The following DNAH5 variants were observed in gnomAD, a reference collection of about 807,000 sequenced individuals.
The protein encoded by DNAH5 is axonemal beta dynein heavy chain 5.
A neutral mutation model predicts 518.2 loss-of-function variants in DNAH5; 372 were observed. That is an observed-to-expected ratio of 0.72 (90% CI 0.66 to 0.78). The LOEUF is 0.78. DNAH5 is among the 30% of genes least tolerant of loss of function. The pLI is 0.00. For synonymous variants in DNAH5, 2,039 were observed against 2,025.9 expected (o/e 1.01, Z -0.17); for missense variants, 5,523 against 5,687.0 (o/e 0.97, Z 0.93).
At chr5:13,909,651 T>C (rs903263569) in intron 12 of DNAH5, among the ~76,000 whole-genome samples, 1 of 152,190 alleles carries the variant, frequency 6.6e-6, no homozygotes, top group African/African-American at 2.4e-5. Flanking sequence ...GAATCCTCAC[T>C]TTTTCATATA....
intron 31 of DNAH5, among the ~76,000 whole-genome samples, chr5:13,849,607 C>T (rs1330891608): frequency 1.3e-5 from 2 of 152,136 alleles, no homozygotes; most frequent in Non-Finnish European, 2.9e-5. Context: ...ATCTAAGGTC[C>T]ATTTGTAGTT....
At chr5:13,810,773 C>A (rs6867588) in intron 44 of DNAH5, among the ~76,000 whole-genome samples, 59,810 of 145,996 alleles carry the variant, frequency 0.41, 12,474 homozygotes, top group East Asian at 0.61. Context: ...AACAAACAAA[C>A]AAAAAAACAG....
chr5:13,752,047 T>C, intron 64 of DNAH5, 87 bp downstream of exon 64: 1 of 1,389,886 alleles, frequency 7.2e-7, no homozygotes, highest in South Asian at 1.2e-5. Flanking sequence ...TTTAAGTTGT[T>C]GCCTATTGAG....
rs934877251 is a variant in DNAH5 at position 13,755,670 on chromosome 5, C to T, written c.10420-1332G>A. Among the ~76,000 whole-genome samples the T allele has an allele frequency of 4.6e-5, 7 of 152,262 alleles. No homozygotes were observed. The South Asian group carries it at 8.3e-4, about 18-fold the overall frequency. On this transcript the variant is annotated intron_variant, in intron 61 of 78. Transcript: ENST00000265104. ...TAAGGCAAAAAAACTAACAGTCCAT[C>T]GGAGAGAACCATCCCCCAACTACGG...
rs200250503 is a variant in DNAH5, at chr5:13,788,710, G to A, written c.8647+6C>T. The A allele has an allele frequency of 2.9e-5, 47 of 1,612,218 alleles. No individual in the cohort carries two copies. The highest frequency in any genetic ancestry group is 3.6e-5 in the Non-Finnish European group (43 of 1,178,500). ...GGGAATTCCAAATTCCACTTCAATA[G>A]TTTACCTGCAGCTTCAGGTGCATCT... On this transcript the variant is annotated splice_donor_region_variant and intron_variant, in intron 51 of 78. Coordinates refer to ENST00000265104, the MANE Select transcript of DNAH5 (RefSeq NM_001369.3).
At chr5:13,899,803 C>T in intron 15 of DNAH5, 1 of 209,934 alleles carries the variant, frequency 4.8e-6, no homozygotes, top group South Asian at 8.5e-5. Flanking sequence ...AACAACTCTG[C>T]TGCCATCCCA....
intron 78 of DNAH5, among the ~76,000 whole-genome samples, chr5:13,697,955 A>C (rs1187993748): frequency 6.6e-6 from 1 of 152,256 alleles, no homozygotes; most frequent in East Asian, 1.9e-4. Flanking sequence ...TCACTGGTGC[A>C]ACCATATTTG....
Position 13,766,149 on chromosome 5 carries a change from G to A in DNAH5, c.9928C>T (p.Arg3310Cys), listed in dbSNP as rs900076362. 2 of 1,614,176 alleles carry A rather than the reference G, an allele frequency of 1.2e-6. No homozygotes were observed. Residue 3310 changes from arginine to cysteine, a missense_variant, in exon 59 of 79, where the codon CGC (arginine) becomes TGC (cysteine). Around this residue, in one of 3 missense-constraint regions of DNAH5, gnomAD observed 5,121 missense variants for 5,223.3 expected, o/e 0.98. Coordinates refer to ENST00000265104, the MANE Select transcript of DNAH5 (RefSeq NM_001369.3). ...TIRPSDIATV[R>C]TLGRPPHLIM... ...AGGTGAGGGGGGCGGCCCAACGTGC[G>A]AACAGTGGCGATGTCCGAAGGCCTG... is the stretch of plus-strand genomic sequence containing the variant.
intron 1 of DNAH5, among the ~76,000 whole-genome samples, chr5:13,994,215 C>G (rs1783768364): frequency 6.6e-6 from 1 of 152,198 alleles, no homozygotes; most frequent in African/African-American, 2.4e-5. Flanking sequence ...AAATCATTCT[C>G]CATGCTCACT....
At chr5:13,996,591 G>A (rs1783973343) in intron 1 of DNAH5, among the ~76,000 whole-genome samples, 1 of 152,230 alleles carries the variant, frequency 6.6e-6, no homozygotes, top group African/African-American at 2.4e-5. Flanking sequence ...AGAAAGAAGT[G>A]ACAGGACCTG....
At chr5:13,979,663 C>T (rs574663694) in intron 1 of DNAH5, among the ~76,000 whole-genome samples, 1 of 152,306 alleles carries the variant, frequency 6.6e-6, no homozygotes, top group South Asian at 2.1e-4. Flanking sequence ...TTTGTCCCCT[C>T]AGCTACATGG....
rs188786627 is a variant in DNAH5, at chr5:13,975,262, A to T, written c.12+36386T>A. 2.1e-4 allele frequency among the ~76,000 whole-genome samples: 32 copies of T among 152,260 alleles called. 1 individual carries two copies. The East Asian group carries it at 6.2e-3, about 29-fold the overall frequency. On this transcript the variant is annotated intron_variant, in intron 1 of 78. Transcript: ENST00000681290. ...GAGCCAAGCAAAACGGGTTTTTCCT[A>T]ATGTGAGATTTATTCACTACCACAA...
intron 1 of DNAH5, among the ~76,000 whole-genome samples, chr5:13,979,802 T>G (rs528493915): frequency 6.6e-6 from 1 of 152,232 alleles, no homozygotes; most frequent in South Asian, 2.1e-4. Context: ...TTTGTTTAGT[T>G]TGTTTTACTG....
intron 70 of DNAH5, among the ~76,000 whole-genome samples, chr5:13,722,999 C>T (rs1265461022): frequency 6.6e-6 from 1 of 152,192 alleles, no homozygotes; most frequent in Non-Finnish European, 1.5e-5. Flanking sequence ...AGCACCTTGG[C>T]CCCTCACTCA....
Position 13,729,447 on chromosome 5 carries a change from G to A in DNAH5, c.11875C>T (p.Leu3959Phe), listed in dbSNP as rs777803534. 6 of 1,613,954 alleles carry A rather than the reference G, an allele frequency of 3.7e-6. No homozygotes were observed. Among genetic ancestry groups the A allele is most frequent in the Non-Finnish European group, 5.1e-6 (6 of 1,179,882 alleles). Residue 3959 changes from leucine to phenylalanine, a missense_variant, in exon 69 of 79, where the codon CTT becomes TTT. Physicochemically the swap from Leu to Phe is conservative, Grantham distance 22 (BLOSUM62 0). This residue lies in a region of DNAH5 where 5,121 missense variants were observed against 5,223.3 expected (regional missense o/e 0.98). Transcript: ENST00000265104. ...ATTCAAAGCACAGTTACCTGGTCAAGGACATCTGAAAACTGTCTGAGTTTG... is the reference window on the plus strand; with the variant it reads ...ATTCAAAGCACAGTTACCTGGTCAAAGACATCTGAAAACTGTCTGAGTTTG... ...LSKLRQFSDV[L>F]DQISRNEKMW...
intron 30 of DNAH5, among the ~76,000 whole-genome samples, chr5:13,856,518 G>T (rs1767658753): frequency 6.6e-6 from 1 of 152,128 alleles, no homozygotes; most frequent in Non-Finnish European, 1.5e-5. Flanking sequence ...CTCATTTTAT[G>T]AGGCCAGCAT....
At chr5:13,846,053 A>G (rs945471861) in intron 31 of DNAH5, among the ~76,000 whole-genome samples, 1 of 147,828 alleles carries the variant, frequency 6.8e-6, no homozygotes, top group Admixed American at 6.8e-5. Flanking sequence ...TAGCCAGGCT[A>G]GTCTCTAACT....
intron 22 of DNAH5, among the ~76,000 whole-genome samples, chr5:13,872,982 G>C (rs1214539357): frequency 1.3e-5 from 2 of 152,128 alleles, no homozygotes; most frequent in African/African-American, 4.8e-5. Context: ...AGAAGGGAGG[G>C]CTATGAGAAA....
chr5:13,746,936 C>T (rs199846855), intron 65 of DNAH5, among the ~76,000 whole-genome samples: 6 of 151,854 alleles, frequency 4.0e-5, no homozygotes, highest in South Asian at 2.1e-4. Flanking sequence ...ATGTGCACAA[C>T]GTGCAGGTTT....
Sources: allele counts gnomAD v4.1 joint callset (sites outside exome capture counted in the v4.1 genomes callset), GRCh38; gene constraint gnomAD v4.1.1; regional missense constraint gnomAD v4.1.1; transcripts MANE v1.5; gene names NCBI Gene and HGNC (gene_info 2026-07-23, HGNC 2026-07-21).